GATAD2B: variants seen among roughly 807,000 people sequenced by gnomAD.
GATAD2B encodes transcriptional repressor p66-beta.
Under a neutral mutation model 64.3 loss-of-function variants are expected in GATAD2B, and 8 were observed. The observed-to-expected ratio is 0.12, with a 90% CI of 0.07 to 0.22. The LOEUF is 0.22. Among genes scored for constraint, GATAD2B ranks in the 10% least tolerant of loss-of-function variants. The probability of loss-of-function intolerance (pLI) is 1.00; values close to 1 mark genes in which losing one functional copy is unlikely to be tolerated. For missense variants in GATAD2B, 453 were observed against 752.0 expected, an observed-to-expected ratio of 0.60 and a Z score of 4.65; for synonymous variants, 281 against 271.3, an observed-to-expected ratio of 1.04 and a Z score of -0.35.
At chr1:153,904,315 T>A (rs1046320580) in intron 1 of GATAD2B, among the ~76,000 whole-genome samples, 2 of 149,954 alleles carry the variant, frequency 1.3e-5, no homozygotes, top group Non-Finnish European at 3.0e-5. Context: ...AATAAATAAA[T>A]AAATATTAGC....
intron 1 of GATAD2B, among the ~76,000 whole-genome samples, chr1:153,867,539 C>G (rs73015713): frequency 6.6e-6 from 1 of 151,738 alleles, no homozygotes; most frequent in Non-Finnish European, 1.5e-5. Flanking sequence ...ATCAAGGACC[C>G]CAAAGAGAGC....
chr1:153,828,460 AC>A, intron 1 of GATAD2B, 112 bp from the exon 2 acceptor site: 1 of 202,608 alleles, frequency 4.9e-6, no homozygotes, highest in South Asian at 4.9e-5. Context: ...ACACATACAC[AC>A]ACACACACAC....
chr1:153,919,249 A>G lies in GATAD2B; in HGVS notation c.-2+3484T>C, dbSNP rs143404765. On this transcript the variant is annotated intron_variant, in intron 1 of 10. Coordinates refer to ENST00000368655, the MANE Select transcript of GATAD2B (RefSeq NM_020699.4). ...GATAGTTTCTTGCCAGCTGATGGCA[A>G]CCTAGGTAAATGGCAAAGGTAAGGG... is the stretch of plus-strand genomic sequence containing the variant. 1.7e-4 allele frequency among the ~76,000 whole-genome samples: 26 copies of G among 152,296 alleles called. No homozygotes were observed. The East Asian group carries it at 2.3e-3, about 14-fold the overall frequency.
intron 1 of GATAD2B, among the ~76,000 whole-genome samples, chr1:153,907,929 TG>T (rs1447753372): frequency 2.6e-5 from 4 of 152,064 alleles, no homozygotes; most frequent in Non-Finnish European, 5.9e-5. Context: ...CTCAGCCTCC[TG>T]AGTAGCTGGG....
chr1:153,837,348 CAAACAA>C (rs1325090241), intron 1 of GATAD2B, among the ~76,000 whole-genome samples: 1 of 135,090 alleles, frequency 7.4e-6, no homozygotes, highest in Non-Finnish European at 1.6e-5. Context: ...ACAACAAAAA[CAAACAA>C]AAAACCCCAA....
chr1:153,828,455 T>TAA, intron 1 of GATAD2B, 107 bp from the exon 2 acceptor site: 2 of 583,434 alleles, frequency 3.4e-6, no homozygotes, highest in Non-Finnish European at 6.0e-6. Flanking sequence ...CTCTCACACA[T>TAA]ACACACACAC....
chr1:153,837,723 C>T (rs550002307), intron 1 of GATAD2B, among the ~76,000 whole-genome samples: 2 of 151,828 alleles, frequency 1.3e-5, no homozygotes, highest in East Asian at 1.9e-4. Flanking sequence ...TGTAAATATA[C>T]TAAAAAAAAA....
chr1:153,861,468 T>G (rs1170796061), intron 1 of GATAD2B, among the ~76,000 whole-genome samples: 1 of 151,316 alleles, frequency 6.6e-6, no homozygotes, highest in African/African-American at 2.4e-5. Flanking sequence ...CTCAGACATT[T>G]CAAAGAAACA....
intron 1 of GATAD2B, chr1:153,852,238 A>G: frequency 8.2e-7 from 1 of 1,213,712 alleles, no homozygotes; most frequent in Non-Finnish European, 1.2e-6. Context: ...GTTGTTAACA[A>G]GAAATCCATC....
chr1:153,832,060 C>G (rs547475299), intron 1 of GATAD2B, among the ~76,000 whole-genome samples: 1 of 152,210 alleles, frequency 6.6e-6, no homozygotes, highest in Non-Finnish European at 1.5e-5. Flanking sequence ...ACTAAAAATA[C>G]AAAAATTAGT....
At chr1:153,890,652 T>C (rs142047828) in intron 1 of GATAD2B, 5 of 152,244 alleles carry the variant, frequency 3.3e-5, no homozygotes, top group African/African-American at 9.6e-5. Flanking sequence ...CTCCAACTTA[T>C]TTAAAGTGAA....
chr1:153,861,781 C>CAAA lies in GATAD2B; in HGVS notation c.-1-33436_-1-33434dup, dbSNP rs869141712. On this transcript the variant is annotated intron_variant, in intron 1 of 10. Coordinates refer to ENST00000368655, the MANE Select transcript of GATAD2B (RefSeq NM_020699.4). Reference sequence around the variant, plus strand: ...TGGGCAACAGAGCGAGACTCCATTTCAAAAAAAAAAAAAAATATATATATA... The same window carrying CAAA: ...TGGGCAACAGAGCGAGACTCCATTTCAAAAAAAAAAAAAAAAAATATATATATA... 1.3e-3 allele frequency among the ~76,000 whole-genome samples: 112 copies of CAAA among 85,712 alleles called. 3 individuals are homozygous for CAAA. The highest frequency in any genetic ancestry group is 2.1e-3 in the African/African-American group (48 of 23,378). 56.2% of individuals were successfully genotyped at this position (85,712 alleles called of 152,430 possible).
At chr1:153,900,970 T>C (rs1035528916) in intron 1 of GATAD2B, among the ~76,000 whole-genome samples, 3 of 152,126 alleles carry the variant, frequency 2.0e-5, no homozygotes, top group African/African-American at 4.8e-5. Flanking sequence ...TCCCAGAACT[T>C]TGGGAGGCCA....
At chr1:153,916,277 GAAAAAAAA>G (rs200305010) in intron 1 of GATAD2B, among the ~76,000 whole-genome samples, 2 of 92,606 alleles carry the variant, frequency 2.2e-5, no homozygotes, top group Admixed American at 9.9e-5. Context: ...TCCACCTCAA[GAAAAAAAA>G]AAAAAAAAGA....
At chr1:153,907,404 G>A (rs1242270553) in intron 1 of GATAD2B, among the ~76,000 whole-genome samples, 1 of 152,124 alleles carries the variant, frequency 6.6e-6, no homozygotes, top group East Asian at 1.9e-4. Context: ...GACACAAAAG[G>A]ACAAATGTGG....
intron 1 of GATAD2B, among the ~76,000 whole-genome samples, chr1:153,881,904 C>T (rs12043350): frequency 0.27 from 40,425 of 151,792 alleles, 6,013 homozygotes; most frequent in Admixed American, 0.38. Flanking sequence ...GGCCCCCATG[C>T]GTGCCAGCCC....
chr1:153,837,913 A>C (rs1031662697), intron 1 of GATAD2B, among the ~76,000 whole-genome samples: 2 of 152,196 alleles, frequency 1.3e-5, no homozygotes, highest in Non-Finnish European at 2.9e-5. Flanking sequence ...AATAACAAAT[A>C]CTATTTCTTA....
intron 1 of GATAD2B, among the ~76,000 whole-genome samples, chr1:153,857,259 A>C (rs1676118459): frequency 6.6e-6 from 1 of 152,030 alleles, no homozygotes; most frequent in East Asian, 1.9e-4. Flanking sequence ...CAGCCTGGCC[A>C]ACATAGTGAA....
At chr1:153,853,675 T>C (rs1335999538) in intron 1 of GATAD2B, among the ~76,000 whole-genome samples, 2 of 152,212 alleles carry the variant, frequency 1.3e-5, no homozygotes, top group Admixed American at 6.5e-5. Context: ...CACGAAATCA[T>C]TGCCAAGACC....
Sources: allele counts gnomAD v4.1 joint callset (sites outside exome capture counted in the v4.1 genomes callset), GRCh38; gene constraint gnomAD v4.1.1; transcripts MANE v1.5; gene names NCBI Gene and HGNC (gene_info 2026-07-23, HGNC 2026-07-21).